SCOC: variants seen among roughly 807,000 people sequenced by gnomAD.
The protein encoded by SCOC is short coiled coil protein.
In SCOC, 7 loss-of-function variants were observed where a neutral mutation model predicts 9.9. The observed-to-expected ratio is 0.71, with a 90% CI of 0.40 to 1.33. The LOEUF (loss-of-function observed/expected upper bound fraction) is 1.33, where lower values mean the gene tolerates loss of function less well. Ranked by LOEUF, SCOC falls within the 40% of genes most tolerant of loss-of-function variation. SCOC has a pLI of 0.01. For missense variants in SCOC, 66 were observed against 89.7 expected (o/e 0.74, Z 1.07); for synonymous variants, 19 against 28.2 (o/e 0.67, Z 1.03).
At chr4:140,320,721 T>A (rs1732476760) in intron 1 of SCOC, among the ~76,000 whole-genome samples, 1 of 152,158 alleles carries the variant, frequency 6.6e-6, no homozygotes, top group South Asian at 2.1e-4. Context: ...ATTCCCTTCA[T>A]CTTCCCTACC....
intron 1 of SCOC, among the ~76,000 whole-genome samples, chr4:140,317,493 A>C (rs1732357502): frequency 6.6e-6 from 1 of 152,038 alleles, no homozygotes; most frequent in Admixed American, 6.6e-5. Context: ...CTGCTTGCTC[A>C]ATCGATCACG....
chr4:140,313,801 T>A (rs377087586), intron 1 of SCOC, among the ~76,000 whole-genome samples: 134 of 151,380 alleles, frequency 8.9e-4, no homozygotes, highest in African/African-American at 3.1e-3. Flanking sequence ...GTTTTTTTTT[T>A]AAATGATTAA....
intron 2 of SCOC, among the ~76,000 whole-genome samples, chr4:140,347,041 GGC>G (rs1208209085): frequency 6.6e-6 from 1 of 152,170 alleles, no homozygotes; most frequent in Non-Finnish European, 1.5e-5. Context: ...AGATAATGAG[GGC>G]GGCAGTTTGA....
chr4:140,364,116 T>C (rs185700162), intron 2 of SCOC, among the ~76,000 whole-genome samples: 1 of 152,170 alleles, frequency 6.6e-6, no homozygotes, highest in Admixed American at 6.6e-5. Context: ...CTTACACTTT[T>C]TGCAAAATAC....
intron 2 of SCOC, among the ~76,000 whole-genome samples, chr4:140,347,249 G>A (rs1726778393): frequency 1.3e-5 from 2 of 152,038 alleles, no homozygotes; most frequent in Non-Finnish European, 1.5e-5. Flanking sequence ...GGAACTGTTT[G>A]GTGTTTATCT....
Position 140,379,449 on chromosome 4 carries a change from C to T in SCOC, c.23-120C>T, listed in dbSNP as rs552863287. The T allele has an allele frequency of 8.1e-5, 63 of 779,316 alleles. 2 individuals are homozygous for T. In the South Asian group the frequency reaches 9.9e-4, roughly 12 times the overall value. 48.3% of individuals were successfully genotyped at this position (779,316 alleles called of 1,614,324 possible). A position where few individuals can be genotyped will look rare whatever the true frequency, so the allele number is the denominator to read the frequency against. On this transcript the variant is annotated intron_variant, in intron 2 of 3. Coordinates refer to ENST00000608372, the MANE Select transcript of SCOC (RefSeq NM_001153484.2). Reference sequence around the variant, plus strand: ...TTTGGGGATACAAAATTTTATTTCACAGGGCTCTTGTATAAGTCAAGTAAG... The same window carrying T: ...TTTGGGGATACAAAATTTTATTTCATAGGGCTCTTGTATAAGTCAAGTAAG...
intron 1 of SCOC, among the ~76,000 whole-genome samples, chr4:140,304,436 C>G (rs981696782): frequency 1.3e-5 from 2 of 151,900 alleles, no homozygotes; most frequent in Non-Finnish European, 1.5e-5. Context: ...CAAAACAAAC[C>G]ACAAAAATAA....
chr4:140,382,663 T>C lies in SCOC; in HGVS notation c.*1559T>C, dbSNP rs923744612. The C allele has an allele frequency of 2.0e-5, 3 of 152,646 alleles. No homozygotes were observed. Among genetic ancestry groups the C allele is most frequent in the African/African-American group, 7.2e-5 (3 of 41,450 alleles). The allele number at this position is 152,646 out of a possible 1,614,324, so 9.5% of individuals were successfully genotyped here. A position where few individuals can be genotyped will look rare whatever the true frequency, so the allele number is the denominator to read the frequency against. On this transcript the variant is annotated 3_prime_UTR_variant, in exon 4 of 4. Transcript: ENST00000608372. ...AGTGTATCTTATTTAAGTACCCAGT[T>C]ACTGATTATTTAGGGGAATAATATT... is the stretch of plus-strand genomic sequence containing the variant.
chr4:140,282,469 C>T (rs1731122861), intron 1 of SCOC, among the ~76,000 whole-genome samples: 2 of 152,012 alleles, frequency 1.3e-5, no homozygotes, highest in African/African-American at 4.8e-5. Context: ...CCTCCCCTGT[C>T]CCACCCCCCG....
At chr4:140,351,888 T>C (rs972754595) in intron 2 of SCOC, among the ~76,000 whole-genome samples, 1 of 152,158 alleles carries the variant, frequency 6.6e-6, no homozygotes, top group Non-Finnish European at 1.5e-5. Context: ...AGCAGGAGTC[T>C]TGTCGGTGAA....
At chr4:140,334,886 G>C (rs528418113) in intron 1 of SCOC, among the ~76,000 whole-genome samples, 1 of 152,170 alleles carries the variant, frequency 6.6e-6, no homozygotes, top group East Asian at 1.9e-4. Context: ...TGGATTGCTT[G>C]AGCCCAGGAG....
intron 1 of SCOC, among the ~76,000 whole-genome samples, chr4:140,300,164 T>TTG (rs749666681): frequency 2.0e-5 from 3 of 152,148 alleles, no homozygotes; most frequent in Non-Finnish European, 4.4e-5. Flanking sequence ...CCCGCTTTAT[T>TTG]TGTGAGCAAA....
chr4:140,345,197 C>T (rs527364778), intron 2 of SCOC, among the ~76,000 whole-genome samples: 1 of 152,240 alleles, frequency 6.6e-6, no homozygotes, highest in Non-Finnish European at 1.5e-5. Context: ...GAGTGAGCAA[C>T]GCTCTCTGGT....
intron 1 of SCOC, among the ~76,000 whole-genome samples, chr4:140,262,099 T>G (rs1340893583): frequency 1.3e-5 from 2 of 152,266 alleles, no homozygotes; most frequent in African/African-American, 2.4e-5. Flanking sequence ...AGAAAATACA[T>G]TTTCATTGTT....
chr4:140,293,310 G>T (rs762708650), intron 1 of SCOC: 2 of 456,624 alleles, frequency 4.4e-6, no homozygotes, highest in East Asian at 6.9e-5. Flanking sequence ...TAACCCAGTC[G>T]CAAAGGCTTA....
At chr4:140,344,365 G>A (rs937404532) in intron 2 of SCOC, among the ~76,000 whole-genome samples, 1 of 152,156 alleles carries the variant, frequency 6.6e-6, no homozygotes, top group African/African-American at 2.4e-5. Flanking sequence ...TTCTATCCAA[G>A]TTCCTTTAGC....
At chr4:140,362,399 G>A (rs956605564) in intron 2 of SCOC, among the ~76,000 whole-genome samples, 5 of 141,398 alleles carry the variant, frequency 3.5e-5, no homozygotes, top group South Asian at 2.3e-4. Context: ...GGGTTCAAGC[G>A]ATTCTCCTGC....
chr4:140,300,459 C>T (rs549242534), intron 1 of SCOC, among the ~76,000 whole-genome samples: 1 of 152,332 alleles, frequency 6.6e-6, no homozygotes, highest in East Asian at 1.9e-4. Context: ...AGTGCCTGGC[C>T]TGTGCTGATG....
intron 1 of SCOC, chr4:140,291,369 C>T (rs1255463645): frequency 2.2e-6 from 1 of 455,868 alleles, no homozygotes; most frequent in Non-Finnish European, 4.4e-6. Context: ...TGGCAGCCGC[C>T]TGGCTCTTCA....
Sources: gnomAD v4.1 joint callset for allele counts (sites outside exome capture counted in the v4.1 genomes callset) on GRCh38, gnomAD v4.1.1 for gene constraint, MANE v1.5 for transcripts, NCBI Gene and HGNC (gene_info 2026-07-23, HGNC 2026-07-21) for gene names.